The following DMRT1 variants were observed in gnomAD, a reference collection of about 807,000 sequenced individuals.
DMRT1 encodes doublesex and mab-3 related transcription factor 1, also known as doublesex- and mab-3-related transcription factor 1.
Under a neutral mutation model 32.3 loss-of-function variants are expected in DMRT1, and 7 were observed. That is an observed-to-expected ratio of 0.22 (90% CI 0.12 to 0.41). DMRT1 has a LOEUF of 0.41. Ranked by LOEUF, DMRT1 falls within the 10% of genes least tolerant of loss-of-function variation. The pLI is 1.00. For synonymous variants in DMRT1, 278 were observed against 206.1 expected, an observed-to-expected ratio of 1.35 and a Z score of -2.99; for missense variants, 625 against 500.5, an observed-to-expected ratio of 1.25 and a Z score of -2.37.
At position 903,165 on chromosome 9, in the gene DMRT1, C is replaced by T. The variant is rs184468297; in HGVS notation, c.822+8970C>T. ...CTCTCTTTTAAAGAGAAATAGTGGA[C>T]CCAATTCTCTTGGGTCTTTACAACA... is the stretch of plus-strand genomic sequence containing the variant. On this transcript the variant is annotated intron_variant, in intron 3 of 4. Coordinates refer to ENST00000382276, the MANE Select transcript of DMRT1 (RefSeq NM_021951.3). Among the ~76,000 whole-genome samples, 629 of 152,202 alleles carry T rather than the reference C, an allele frequency of 4.1e-3. 2 individuals are homozygous for T. Among genetic ancestry groups the T allele is most frequent in the South Asian group, 0.011 (51 of 4,816 alleles).
chr9:892,249 T>G (rs1426093576), intron 2 of DMRT1, among the ~76,000 whole-genome samples: 5 of 152,124 alleles, frequency 3.3e-5, no homozygotes, highest in Admixed American at 6.6e-5. Context: ...TATTCTCTGT[T>G]TTTCACGCTC....
chr9:874,227 T>G (rs1816397990), intron 2 of DMRT1, among the ~76,000 whole-genome samples: 2 of 152,234 alleles, frequency 1.3e-5, no homozygotes, highest in Admixed American at 6.5e-5. Context: ...GAGATTCTAT[T>G]AAATCATTTT....
At chr9:884,214 C>T (rs1049166063) in intron 2 of DMRT1, among the ~76,000 whole-genome samples, 1 of 152,056 alleles carries the variant, frequency 6.6e-6, no homozygotes, top group African/African-American at 2.4e-5. Flanking sequence ...CAAGCCTTCA[C>T]CCACCTTAAA....
rs573494189 is a variant in DMRT1, at chr9:894,091, G to C, written c.718G>C (p.Ala240Pro). The C allele has an allele frequency of 1.9e-6, 3 of 1,614,242 alleles. No homozygotes were observed. The highest frequency in any genetic ancestry group is 2.2e-5 in the East Asian group (1 of 44,884). Reference protein sequence around the residue: ...QYSMALAADSASGEVGNPLGG... With the variant: ...QYSMALAADSPSGEVGNPLGG... ...CTCCATGGCCTTGGCTGCTGATTCTGCTTCTGGGGAGGTGGGAAATCCCCT... is the reference window on the plus strand; with the variant it reads ...CTCCATGGCCTTGGCTGCTGATTCTCCTTCTGGGGAGGTGGGAAATCCCCT... The change falls in exon 3 of 5, where the codon GCT becomes CCT. Residue 240 changes from alanine (A) to proline (P), a missense_variant. Coordinates refer to ENST00000382276, the MANE Select transcript of DMRT1 (RefSeq NM_021951.3).
At chr9:860,929 C>T (rs925804313) in intron 2 of DMRT1, among the ~76,000 whole-genome samples, 2 of 152,092 alleles carry the variant, frequency 1.3e-5, no homozygotes, top group African/African-American at 2.4e-5. Context: ...GTGTCATGGG[C>T]TCATAGCAGA....
chr9:876,418 G>T (rs11790408), intron 2 of DMRT1, among the ~76,000 whole-genome samples: 46,197 of 151,936 alleles, frequency 0.3, 8,235 homozygotes, highest in Non-Finnish European at 0.4. Context: ...TGTCTTTGGA[G>T]CTTAAGAACT....
intron 4 of DMRT1, among the ~76,000 whole-genome samples, chr9:925,453 G>T (rs920326366): frequency 6.6e-6 from 1 of 151,992 alleles, no homozygotes; most frequent in South Asian, 2.1e-4. Context: ...GATTAAGAAC[G>T]CAGCCCTGCC....
intron 2 of DMRT1, among the ~76,000 whole-genome samples, chr9:892,411 C>T (rs556964406): frequency 7.7e-4 from 116 of 151,208 alleles, no homozygotes; most frequent in Non-Finnish European, 1.3e-3. Context: ...CCCAGCCCTC[C>T]ACCTGCACAC....
At chr9:882,736 G>T (rs952831586) in intron 2 of DMRT1, among the ~76,000 whole-genome samples, 6 of 149,530 alleles carry the variant, frequency 4.0e-5, no homozygotes, top group Non-Finnish European at 8.9e-5. Flanking sequence ...GTTGTGCTCA[G>T]TGGCGCCCCC....
At chr9:946,081 G>A (rs576302735) in intron 4 of DMRT1, among the ~76,000 whole-genome samples, 2 of 150,816 alleles carry the variant, frequency 1.3e-5, no homozygotes, top group Non-Finnish European at 3.0e-5. Context: ...GATGGAGCAT[G>A]GTTTATTAGT....
intron 4 of DMRT1, among the ~76,000 whole-genome samples, chr9:941,206 C>T (rs913506500): frequency 1.3e-5 from 2 of 152,050 alleles, no homozygotes; most frequent in African/African-American, 4.8e-5. Context: ...AAGCAGGGTC[C>T]AGAGATATTT....
chr9:937,328 A>C lies in DMRT1; in HGVS notation c.967+20421A>C, dbSNP rs1344120826. Among the ~76,000 whole-genome samples, 6 of 152,330 alleles carry C rather than the reference A, an allele frequency of 3.9e-5. No homozygotes were observed. In the East Asian group the frequency reaches 1.2e-3, roughly 29 times the overall value. On this transcript the variant is annotated intron_variant, in intron 4 of 4. Transcript: ENST00000382276. Reference sequence around the variant, plus strand: ...AGTTTGGTGTACAAGTATCTGTGTGAGTACCTGCTTTCAGTTCTTCTGGAT... The same window carrying C: ...AGTTTGGTGTACAAGTATCTGTGTGCGTACCTGCTTTCAGTTCTTCTGGAT...
At chr9:896,087 G>A (rs955823790) in intron 3 of DMRT1, among the ~76,000 whole-genome samples, 3 of 151,258 alleles carry the variant, frequency 2.0e-5, no homozygotes, top group Non-Finnish European at 4.4e-5. Flanking sequence ...ACAGGCATGA[G>A]CCACCACTCC....
chr9:898,815 A>C (rs1386516564), intron 3 of DMRT1, among the ~76,000 whole-genome samples: 1 of 152,204 alleles, frequency 6.6e-6, no homozygotes, highest in Non-Finnish European at 1.5e-5. Flanking sequence ...TATCCTGCCT[A>C]GTAGGATGTA....
At chr9:899,182 A>G (rs918328977) in intron 3 of DMRT1, among the ~76,000 whole-genome samples, 6 of 152,256 alleles carry the variant, frequency 3.9e-5, no homozygotes, top group East Asian at 3.9e-4. Flanking sequence ...AAAAATCAAT[A>G]TTTTAAAAAA....
At chr9:892,379 C>T (rs533133134) in intron 2 of DMRT1, among the ~76,000 whole-genome samples, 1 of 152,074 alleles carries the variant, frequency 6.6e-6, no homozygotes, top group African/African-American at 2.4e-5. Context: ...CAAAAGCACG[C>T]GTTTCATGTT....
intron 2 of DMRT1, among the ~76,000 whole-genome samples, chr9:850,294 G>A (rs1020801827): frequency 6.6e-6 from 1 of 152,184 alleles, no homozygotes; most frequent in Admixed American, 6.5e-5. Flanking sequence ...CGTAAATATA[G>A]AGACAGAAAG....
At chr9:882,116 G>A (rs148734798) in intron 2 of DMRT1, among the ~76,000 whole-genome samples, 26 of 152,316 alleles carry the variant, frequency 1.7e-4, no homozygotes, top group African/African-American at 6.0e-4. Flanking sequence ...GGAAGAAGGA[G>A]GAAGCTGCAG....
intron 3 of DMRT1, chr9:894,890 T>G (rs1217466580): frequency 1.3e-5 from 2 of 152,528 alleles, no homozygotes; most frequent in African/African-American, 4.8e-5. Context: ...CTCAGCTCAC[T>G]GCAACTTCTG....
Sources: gnomAD v4.1 joint callset for allele counts (sites outside exome capture counted in the v4.1 genomes callset) on GRCh38, gnomAD v4.1.1 for gene constraint, MANE v1.5 for transcripts, NCBI Gene and HGNC (gene_info 2026-07-23, HGNC 2026-07-21) for gene names.